SH3PXD2B: variants seen among roughly 807,000 people sequenced by gnomAD.
The protein encoded by SH3PXD2B is SH3 and PX domain-containing protein 2B.
A neutral mutation model predicts 73.1 loss-of-function variants in SH3PXD2B; 37 were observed. The ratio of observed to expected loss-of-function variants is 0.51; its 90% CI spans 0.39 to 0.67. The LOEUF (loss-of-function observed/expected upper bound fraction) is 0.67. Among genes scored for constraint, SH3PXD2B ranks in the 30% least tolerant of loss-of-function variants. The pLI is 0.00. For missense variants in SH3PXD2B, 1,053 were observed against 1,197.8 expected (o/e 0.88, Z 1.78); for synonymous variants, 457 against 480.5 (o/e 0.95, Z 0.64).
chr5:172,386,729 G>A (rs1336302606), intron 4 of SH3PXD2B, among the ~76,000 whole-genome samples: 3 of 152,054 alleles, frequency 2.0e-5, no homozygotes, highest in Non-Finnish European at 4.4e-5. Flanking sequence ...TCCTGGGCTC[G>A]AGATCCTCCC....
At chr5:172,393,780 T>C (rs577324878) in intron 4 of SH3PXD2B, among the ~76,000 whole-genome samples, 134 of 152,330 alleles carry the variant, frequency 8.8e-4, no homozygotes, top group African/African-American at 3.1e-3. Context: ...TTCCTGACTA[T>C]AGCCTCAAGT....
chr5:172,405,318 A>G (rs1446027261), intron 3 of SH3PXD2B, among the ~76,000 whole-genome samples: 2 of 152,256 alleles, frequency 1.3e-5, no homozygotes, highest in African/African-American at 4.8e-5. Context: ...ACGAGCTATT[A>G]TATGCCTTCC....
intron 6 of SH3PXD2B, among the ~76,000 whole-genome samples, chr5:172,366,636 A>AT (rs1442766624): frequency 1.3e-5 from 2 of 151,094 alleles, no homozygotes; most frequent in African/African-American, 4.9e-5. Context: ...ATTTTATTTT[A>AT]TTTATTTATT....
intron 2 of SH3PXD2B, among the ~76,000 whole-genome samples, chr5:172,416,110 T>C (rs2113451561): frequency 1.3e-5 from 2 of 152,246 alleles, no homozygotes; most frequent in South Asian, 4.1e-4. Context: ...GGTGGGTGAC[T>C]TGAGTCCAGG....
At chr5:172,369,115 G>A (rs575177747) in intron 6 of SH3PXD2B, among the ~76,000 whole-genome samples, 30 of 151,046 alleles carry the variant, frequency 2.0e-4, no homozygotes, top group African/African-American at 6.1e-4. Flanking sequence ...GGCTGGTCTC[G>A]AACTCCTGAC....
At chr5:172,391,622 C>T (rs187986246) in intron 4 of SH3PXD2B, among the ~76,000 whole-genome samples, 4 of 152,208 alleles carry the variant, frequency 2.6e-5, no homozygotes, top group Admixed American at 2.0e-4. Flanking sequence ...GCCACTAAGC[C>T]CGGCTAGTTT....
chr5:172,329,537 A>ATTTTTTT (rs1189125823), downstream of SH3PXD2B, among the ~76,000 whole-genome samples: 14 of 62,968 alleles, frequency 2.2e-4, no homozygotes, highest in South Asian at 2.1e-3. Flanking sequence ...GATCTTTGTT[A>ATTTTTTT]TTCTTTTTTT....
chr5:172,400,012 G>A (rs1368474621), intron 3 of SH3PXD2B, among the ~76,000 whole-genome samples: 1 of 152,178 alleles, frequency 6.6e-6, no homozygotes, highest in Non-Finnish European at 1.5e-5. Flanking sequence ...TACCACGGGT[G>A]ATAAATACCC....
chr5:172,332,256 C>CTTT (rs57471345), downstream of SH3PXD2B, among the ~76,000 whole-genome samples: 4,278 of 142,954 alleles, frequency 0.03, 184 homozygotes, highest in African/African-American at 0.052. Flanking sequence ...TTTTTCCTTC[C>CTTT]TTTTTTTTTT....
chr5:172,404,165 CCT>C lies in SH3PXD2B; in HGVS notation c.232+2110_232+2111del, dbSNP rs370087291. Among the ~76,000 whole-genome samples, 23 of 152,284 alleles carry C rather than the reference CCT, an allele frequency of 1.5e-4. No individual in the cohort carries two copies. In the East Asian group the frequency reaches 4.4e-3, roughly 29 times the overall value. ...GAGGAGGCCTGGCAAACACATGCGC[CCT>C]GTCTCTAAACCCATTCAGTGACATT... On this transcript the variant is annotated intron_variant, in intron 3 of 12. Transcript: ENST00000311601.
Position 172,336,962 on chromosome 5 carries a change from T to G in SH3PXD2B, c.*1407A>C. ...GCCGGAGAGGCACAGGAAGCAGCTCTGCCTGGCCCTTGGTTACCTGCCTCC... is the reference window on the plus strand; with the variant it reads ...GCCGGAGAGGCACAGGAAGCAGCTCGGCCTGGCCCTTGGTTACCTGCCTCC... On this transcript the variant is annotated 3_prime_UTR_variant, in exon 13 of 13. Transcript: ENST00000311601. 1 of 985,552 alleles carries G rather than the reference T, an allele frequency of 1.0e-6. No individual in the cohort carries two copies. The highest frequency in any genetic ancestry group is 4.7e-5 in the South Asian group (1 of 21,286). The allele number at this position is 985,552 out of a possible 1,614,324, so 61.1% of individuals were successfully genotyped here. A position where few individuals can be genotyped will look rare whatever the true frequency, so the allele number is the denominator to read the frequency against.
chr5:172,393,987 C>T (rs1294517515), intron 4 of SH3PXD2B, among the ~76,000 whole-genome samples: 1 of 151,986 alleles, frequency 6.6e-6, no homozygotes, highest in Non-Finnish European at 1.5e-5. Flanking sequence ...CTCTGTTGCC[C>T]AGGTGGGAGT....
intron 1 of SH3PXD2B, among the ~76,000 whole-genome samples, chr5:172,434,787 T>TGTTTTTTTGTTTTTG (rs60450697): frequency 0.038 from 5,651 of 149,386 alleles, 201 homozygotes; most frequent in South Asian, 0.2. Flanking sequence ...CAATGGTTTT[T>TGTTTTTTTGTTTTTG]TTTTTTTTTT....
chr5:172,355,849 T>C (rs1012539923), intron 8 of SH3PXD2B, among the ~76,000 whole-genome samples: 3 of 152,106 alleles, frequency 2.0e-5, no homozygotes, highest in South Asian at 2.1e-4. Context: ...CAGCCATGGA[T>C]GGATTTTCTA....
intron 4 of SH3PXD2B, among the ~76,000 whole-genome samples, chr5:172,382,964 C>G (rs1757982874): frequency 6.6e-6 from 1 of 151,918 alleles, no homozygotes; most frequent in Non-Finnish European, 1.5e-5. Context: ...TCTCGAACTC[C>G]CGGCCTCAAG....
At chr5:172,379,960 T>C (rs1390858832) in intron 5 of SH3PXD2B, among the ~76,000 whole-genome samples, 2 of 152,200 alleles carry the variant, frequency 1.3e-5, no homozygotes, top group African/African-American at 2.4e-5. Flanking sequence ...CCTTCACCTC[T>C]TCCAAACTGT....
chr5:172,336,508 G>A lies in SH3PXD2B; in HGVS notation c.*1861C>T, dbSNP rs1483924960. ...CAGGTGATCAGAGGAAGCTCCTCAC[G>A]CAGAAGCAGCCAGCACCCACGTGAT... On this transcript the variant is annotated 3_prime_UTR_variant, in exon 13 of 13. Coordinates refer to ENST00000311601, the MANE Select transcript of SH3PXD2B (RefSeq NM_001017995.3). The A allele has an allele frequency of 2.4e-5, 23 of 976,096 alleles. No individual in the cohort carries two copies. Among genetic ancestry groups the A allele is most frequent in the Admixed American group, 6.7e-5 (1 of 14,988 alleles). The allele number at this position is 976,096 out of a possible 1,614,324, so 60.5% of individuals were successfully genotyped here.
In SH3PXD2B at chr5:172,423,649, T is replaced by C. The variant is rs143584781; in HGVS notation, c.76-1153A>G. 3.0e-3 allele frequency among the ~76,000 whole-genome samples: 459 copies of C among 151,958 alleles called. 4 individuals carry two copies. Among genetic ancestry groups the C allele is most frequent in the African/African-American group, 0.01 (429 of 41,444 alleles). On this transcript the variant is annotated intron_variant, in intron 1 of 12. Coordinates refer to ENST00000311601, the MANE Select transcript of SH3PXD2B (RefSeq NM_001017995.3). ...CCAGTAGGAGTCTGTCCTGGGACTTTTTTGGTTTGGTTTCTTTTTGGAGAG... is the reference window on the plus strand; with the variant it reads ...CCAGTAGGAGTCTGTCCTGGGACTTCTTTGGTTTGGTTTCTTTTTGGAGAG...
chr5:172,397,217 T>G (rs1022175733), intron 3 of SH3PXD2B, among the ~76,000 whole-genome samples: 7 of 152,216 alleles, frequency 4.6e-5, no homozygotes, highest in African/African-American at 7.2e-5. Context: ...TCCGGTCTCC[T>G]GTAGCGCTCC....
Sources: gnomAD v4.1 joint callset for allele counts (sites outside exome capture counted in the v4.1 genomes callset) on GRCh38, gnomAD v4.1.1 for gene constraint, MANE v1.5 for transcripts, NCBI Gene and HGNC (gene_info 2026-07-23, HGNC 2026-07-21) for gene names.